Variants in GET4 observed in about 807,000 individuals in gnomAD.
GET4 encodes guided entry of tail-anchored proteins factor 4, also known as Golgi to ER traffic protein 4 homolog.
In GET4, 20 loss-of-function variants were observed where a neutral mutation model predicts 40.0. That is an observed-to-expected ratio of 0.50 (90% confidence interval 0.35 to 0.73). The LOEUF (loss-of-function observed/expected upper bound fraction) is 0.73. Ranked by LOEUF, GET4 falls within the 30% of genes least tolerant of loss-of-function variation. The pLI, the probability that GET4 is intolerant of heterozygous loss-of-function variation, is 0.01. For missense variants in GET4, 557 were observed against 454.0 expected (o/e 1.23, Z -2.06); for synonymous variants, 280 against 194.6 (o/e 1.44, Z -3.65).
chr7:884,459 C>T, intron 1 of GET4: 2 of 941,104 alleles, frequency 2.1e-6, no homozygotes, highest in African/African-American at 1.7e-5. Flanking sequence ...CTGCCAACGG[C>T]CTGCAGGCTG....
intron 4 of GET4, among the ~76,000 whole-genome samples, chr7:889,313 A>G (rs1307026858): frequency 2.6e-5 from 4 of 152,246 alleles, no homozygotes; most frequent in African/African-American, 7.2e-5. Context: ...GTGGCCACGC[A>G]CTGCCTCTGC....
intron 3 of GET4, among the ~76,000 whole-genome samples, 193 bp downstream of exon 3, chr7:886,843 C>T (rs1375391155): frequency 6.6e-6 from 1 of 152,252 alleles, no homozygotes; most frequent in African/African-American, 2.4e-5. Context: ...GAGCACACGG[C>T]AGGCTGAGCA....
At position 895,578 on chromosome 7, in the gene GET4, G is replaced by C. The variant is rs912573552; in HGVS notation, c.*156G>C. The C allele has an allele frequency of 8.7e-5, 44 of 504,502 alleles. No individual in the cohort carries two copies. The Middle Eastern group carries it at 1.5e-3, about 18-fold the overall frequency. The allele number at this position is 504,502 out of a possible 1,614,324, so 31.3% of individuals were successfully genotyped here. On this transcript the variant is annotated 3_prime_UTR_variant, in exon 9 of 9. Transcript: ENST00000265857. ...GTCTGTTTCTGTGCGGCGGCTCAGG[G>C]TGGCGCGGCTGCTGCTCACTGTGCT...
chr7:892,326 G>T lies in GET4; in HGVS notation c.654G>T (p.Thr218=). 1.3e-6 allele frequency: 2 copies of T among 1,595,524 alleles called. No individual in the cohort carries two copies. The highest frequency in any genetic ancestry group is 1.7e-6 in the Non-Finnish European group (2 of 1,164,380). Residue 218 remains threonine, a synonymous_variant, in exon 6 of 9, where the codon ACG becomes ACT. Coordinates refer to ENST00000265857, the MANE Select transcript of GET4 (RefSeq NM_015949.3). ...GTAGCGCATCGGTGGTCTTCACGAC[G>T]TACACCCAGAAGCACCCGTCCATCG... ...NKSSASVVFT[T]YTQKHPSIED...
chr7:887,283 G>A (rs774410289), intron 3 of GET4, 87 bp from the exon 4 acceptor site: 21 of 1,356,880 alleles, frequency 1.5e-5, no homozygotes, highest in Admixed American at 3.5e-5. Context: ...AAGTAGTTGC[G>A]AATGGAAATC....
intron 1 of GET4, chr7:883,906 A>C: frequency 2.9e-6 from 3 of 1,040,630 alleles, no homozygotes; most frequent in South Asian, 6.2e-5. Context: ...GCCGGGGACC[A>C]CTGTGTGCCC....
At chr7:879,163 C>G (rs925938619) in intron 1 of GET4, among the ~76,000 whole-genome samples, 3 of 152,244 alleles carry the variant, frequency 2.0e-5, no homozygotes, top group African/African-American at 4.8e-5. Flanking sequence ...CTGGAAAACT[C>G]TGGAGGTGCC....
intron 2 of GET4, 29 bp downstream of exon 2, chr7:886,163 C>T: frequency 6.9e-7 from 1 of 1,441,714 alleles, no homozygotes; most frequent in Non-Finnish European, 9.8e-7. Context: ...TCCTGCATCC[C>T]TTTCTGCTCC....
At position 894,118 on chromosome 7, in the gene GET4, G is replaced by A. The variant is rs920825410; in HGVS notation, c.895+147G>A. 6.9e-6 allele frequency: 4 copies of A among 581,292 alleles called. No homozygotes were observed. In the East Asian group the frequency reaches 1.2e-4, roughly 17 times the overall value. The allele number at this position is 581,292 out of a possible 1,614,324, so 36.0% of individuals were successfully genotyped here. On this transcript the variant is annotated intron_variant, in intron 8 of 8. Coordinates refer to ENST00000265857, the MANE Select transcript of GET4 (RefSeq NM_015949.3). ...TTTCTCAGTTTACTTTTGTTAGTAG[G>A]AAATTATTAGATTTCAGAGTTGAGA...
intron 3 of GET4, 22 bp from the exon 4 acceptor site, chr7:887,347 AT>A: frequency 6.4e-7 from 1 of 1,572,134 alleles, no homozygotes; most frequent in Non-Finnish European, 8.7e-7. Flanking sequence ...CGTTCCTCTG[AT>A]GAGGGTCTGT....
Position 886,068 on chromosome 7 carries a change from G to T in GET4, c.168G>T (p.Gln56His), listed in dbSNP as rs778617527. The part of the protein sequence containing the change: ...YRTLFFRYMS[Q>H]SKHTEARELM... ...CTCTCTGTGGCAGGTACATGTCCCA[G>T]AGCAAGCACACGGAGGCCCGGGAGC... The change falls in exon 2 of 9, where the codon CAG becomes CAT. Residue 56 changes from glutamine (Q) to histidine (H), a missense_variant. Transcript: ENST00000265857. 6.2e-7 allele frequency: 1 copy of T among 1,606,010 alleles called. No homozygotes were observed.
chr7:884,271 C>A, intron 1 of GET4: 1 of 1,304,184 alleles, frequency 7.7e-7, no homozygotes, highest in Non-Finnish European at 1.0e-6. Context: ...CTTGTTTTTC[C>A]AGAGTGCCCT....
At chr7:887,236 C>A in intron 3 of GET4, 134 bp from the exon 4 acceptor site, 2 of 901,566 alleles carry the variant, frequency 2.2e-6, no homozygotes, top group African/African-American at 1.6e-5. Context: ...TGGTCCACGG[C>A]TCACTCAGGG....
chr7:893,613 AGGTGAGTGTT>A, intron 6 of GET4, 117 bp from the exon 7 acceptor site: 4 of 593,082 alleles, frequency 6.7e-6, no homozygotes, highest in Non-Finnish European at 1.2e-5. Context: ...CGGTGTGTGC[AGGTGAGTGTT>A]GGGCGCGGGC....
intron 5 of GET4, among the ~76,000 whole-genome samples, chr7:891,484 C>T (rs1416266127): frequency 6.6e-6 from 1 of 151,704 alleles, no homozygotes; most frequent in Non-Finnish European, 1.5e-5. Flanking sequence ...CTGTCTGCTC[C>T]TGCGTGGTCC....
intron 1 of GET4, chr7:883,878 A>G: frequency 9.8e-7 from 1 of 1,024,846 alleles, no homozygotes; most frequent in Non-Finnish European, 1.2e-6. Flanking sequence ...GGACCTGGAA[A>G]CGGGTGCCCC....
chr7:892,633 GGGTGT>G, intron 6 of GET4, among the ~76,000 whole-genome samples: 1 of 51,620 alleles, frequency 1.9e-5, no homozygotes, highest in East Asian at 7.7e-4. Flanking sequence ...GTAGCTGTGT[GGGTGT>G]ATGTGCAAGT....
At chr7:886,227 T>C in intron 2 of GET4, 93 bp downstream of exon 2, 1 of 838,404 alleles carries the variant, frequency 1.2e-6, no homozygotes, top group Non-Finnish European at 2.0e-6. Context: ...TGGGCAACCT[T>C]GCGCTGCCCT....
intron 8 of GET4, 26 bp downstream of exon 8, chr7:893,997 C>A: frequency 6.6e-7 from 1 of 1,510,600 alleles, no homozygotes; most frequent in Non-Finnish European, 9.0e-7. Context: ...CTTGTCACAC[C>A]CACTCCAGCC....
Sources: allele counts gnomAD v4.1 joint callset (sites outside exome capture counted in the v4.1 genomes callset), GRCh38; gene constraint gnomAD v4.1.1; transcripts MANE v1.5; gene names NCBI Gene and HGNC (gene_info 2026-07-23, HGNC 2026-07-21).